SLC6A20: variants seen among roughly 807,000 people sequenced by gnomAD.
The protein encoded by SLC6A20 is solute carrier family 6 member 20.
SLC6A20 carries 73 observed loss-of-function variants against 64.3 expected under a neutral mutation model. The ratio of observed to expected loss-of-function variants is 1.14; its 90% CI spans 0.94 to 1.38. The LOEUF (loss-of-function observed/expected upper bound fraction) is 1.38, where lower values mean the gene tolerates loss of function less well. SLC6A20 is among the 40% of genes most tolerant of loss of function. The pLI is 0.00. For missense variants in SLC6A20, 725 were observed against 772.8 expected, an observed-to-expected ratio of 0.94 and a Z score of 0.73; for synonymous variants, 347 against 329.6, an observed-to-expected ratio of 1.05 and a Z score of -0.57.
At chr3:45,773,878 A>T (rs763586516) in intron 4 of SLC6A20, among the ~76,000 whole-genome samples, 3 of 152,250 alleles carry the variant, frequency 2.0e-5, no homozygotes, top group African/African-American at 4.8e-5. Flanking sequence ...CAAGATTATA[A>T]GAAACCAGGT....
At position 45,759,031 on chromosome 3, in the gene SLC6A20, C is replaced by G; in HGVS notation, c.1726G>C (p.Gly576Arg). ...STMCIPLAAL[G>R]TFVQRRLKRG... ...TTGAGGCGACGCTGAACAAAAGTCC[C>G]CAGGGCCGCCAGGGGGATGCACATG... The change falls in exon 11 of 11, where the codon GGG (glycine) becomes CGG (arginine). Residue 576 changes from glycine to arginine, a missense_variant. Coordinates refer to ENST00000358525, the MANE Select transcript of SLC6A20 (RefSeq NM_020208.4). 1 of 1,613,106 alleles carries G rather than the reference C, an allele frequency of 6.2e-7. No homozygotes were observed. The highest frequency in any genetic ancestry group is 8.5e-7 in the Non-Finnish European group (1 of 1,179,640).
At chr3:45,760,045 A>G (rs773498387) in intron 9 of SLC6A20, 23 bp from the exon 10 acceptor site, 3 of 1,600,282 alleles carry the variant, frequency 1.9e-6, no homozygotes, top group Non-Finnish European at 2.6e-6. Flanking sequence ...CAGGGAGAGA[A>G]AGTCTGGATT....
In SLC6A20 at chr3:45,757,876, C is replaced by T. The variant is rs1414511255; in HGVS notation, c.*1102G>A. 6.7e-6 allele frequency: 1 copy of T among 149,694 alleles called. No homozygotes were observed. The highest frequency in any genetic ancestry group is 1.5e-5 in the Non-Finnish European group (1 of 67,826). 9.3% of individuals were successfully genotyped at this position (149,694 alleles called of 1,614,324 possible). ...TCTTGATAGAGTTGGCCACGATGTC[C>T]AAATGTAATATTAAGCCTATGGGAA... On this transcript the variant is annotated 3_prime_UTR_variant, in exon 11 of 11. Coordinates refer to ENST00000358525, the MANE Select transcript of SLC6A20 (RefSeq NM_020208.4).
Position 45,782,122 on chromosome 3 carries a change from C to T in SLC6A20, c.223G>A (p.Gly75Ser), listed in dbSNP as rs758378583. 1.4e-5 allele frequency: 23 copies of T among 1,613,028 alleles called. No individual in the cohort carries two copies. Among genetic ancestry groups the T allele is most frequent in the South Asian group, 1.2e-4 (11 of 90,888 alleles). The change falls in exon 2 of 11, where the codon GGC becomes AGC. Residue 75 changes from glycine (G) to serine (S), a missense_variant. Transcript: ENST00000358525. ...VGQRMRQGSI[G>S]AWRTISPYLS... The stretch of plus-strand genomic sequence containing the variant: ...TACGGGCTGATGGTCCTCCAGGCGC[C>T]GATGCTGCCCTGCCGCATGCGCTGC...
At chr3:45,778,066 T>C (rs1236366217) in intron 3 of SLC6A20, among the ~76,000 whole-genome samples, 1 of 152,174 alleles carries the variant, frequency 6.6e-6, no homozygotes, top group African/African-American at 2.4e-5. Flanking sequence ...CAGTCTGACC[T>C]CCCTCACTCA....
intron 1 of SLC6A20, among the ~76,000 whole-genome samples, chr3:45,792,987 C>A (rs567548150): frequency 2.0e-5 from 3 of 152,178 alleles, no homozygotes; most frequent in African/African-American, 4.8e-5. Flanking sequence ...TGTCCTCCCC[C>A]ACAGGCGTCT....
rs376476673 is a variant in SLC6A20, at chr3:45,772,582, C to A, written c.616G>T (p.Val206Leu). 1.9e-6 allele frequency: 3 copies of A among 1,613,748 alleles called. No individual in the cohort carries two copies. The highest frequency in any genetic ancestry group is 1.3e-5 in the African/African-American group (1 of 74,904). Reference sequence around the variant, plus strand: ...CCCCTGATGAGGTAGATGATGAGCACGCAATAGGGCAGTGACGCCGTGAAA... The same window carrying A: ...CCCCTGATGAGGTAGATGATGAGCAAGCAATAGGGCAGTGACGCCGTGAAA... ...VYFTASLPYC[V>L]LIIYLIRGLT... is the part of the protein sequence containing the mutation. Residue 206 changes from valine to leucine, a missense_variant, in exon 5 of 11, where the codon GTG becomes TTG. Val to Leu is a conservative substitution (Grantham distance 32, BLOSUM62 1). Coordinates refer to ENST00000358525, the MANE Select transcript of SLC6A20 (RefSeq NM_020208.4).
intron 1 of SLC6A20, among the ~76,000 whole-genome samples, chr3:45,791,031 C>T (rs1359585903): frequency 6.6e-6 from 1 of 152,170 alleles, no homozygotes; most frequent in Non-Finnish European, 1.5e-5. Flanking sequence ...TAAATGTTGC[C>T]ATTGCTGGAA....
chr3:45,758,933 G>A lies in SLC6A20; in HGVS notation c.*45C>T. On this transcript the variant is annotated 3_prime_UTR_variant, in exon 11 of 11. Coordinates refer to ENST00000358525, the MANE Select transcript of SLC6A20 (RefSeq NM_020208.4). ...AAAAGCAGCCGAGGAGTTTCCGCCT[G>A]TAAATAGTATCTGTAAAACCGTGAG... The A allele has an allele frequency of 6.5e-7, 1 of 1,546,084 alleles. No individual in the cohort carries two copies. Among genetic ancestry groups the A allele is most frequent in the South Asian group, 1.3e-5 (1 of 79,600 alleles).
chr3:45,766,318 G>A (rs1699776926), intron 7 of SLC6A20, among the ~76,000 whole-genome samples: 1 of 152,214 alleles, frequency 6.6e-6, no homozygotes, highest in Non-Finnish European at 1.5e-5. Context: ...GTACTCTCTG[G>A]CTACCCACAG....
chr3:45,770,281 A>G lies in SLC6A20; in HGVS notation c.1026T>C (p.Ser342=). ...TCTCGCTGTATTTGCTTGGGTAGGCAGATGCGAGGTAGCCCTTCACCTGCT... is the reference window on the plus strand; with the variant it reads ...TCTCGCTGTATTTGCTTGGGTAGGCGGATGCGAGGTAGCCCTTCACCTGCT... ...NLEQVKGYLA[S]AYPSKYSEMF... The change falls in exon 7 of 11, where the codon TCT becomes TCC. Residue 342 remains serine, a synonymous_variant. Transcript: ENST00000358525. 1 of 1,614,206 alleles carries G rather than the reference A, an allele frequency of 6.2e-7. No homozygotes were observed. Among genetic ancestry groups the G allele is most frequent in the Non-Finnish European group, 8.5e-7 (1 of 1,180,042 alleles).
rs142086756 is a variant in SLC6A20, at chr3:45,782,198, G to A, written c.147C>T (p.Ile49=). 623 of 1,613,764 alleles carry A rather than the reference G, an allele frequency of 3.9e-4. 6 individuals are homozygous for A. The African/African-American group carries it at 7.4e-3, about 19-fold the overall frequency. ...GCGGCATTCCCTCCACGATAAGCAT[G>A]ATGATGTAGGGGACCAGGAAACTAC... ...GGGSFLVPYI[I]MLIVEGMPLL... is the part of the protein sequence containing the mutation. Residue 49 remains isoleucine (I), a synonymous_variant, in exon 2 of 11, where the codon ATC becomes ATT. Transcript: ENST00000358525.
chr3:45,796,434 C>A lies in SLC6A20; in HGVS notation c.-15G>T. ...GCTTTCTCCATGGCCCCGGCCTCGGCGCGCTCGGCTCCGGCTCGGGGGTCC... is the reference window on the plus strand; with the variant it reads ...GCTTTCTCCATGGCCCCGGCCTCGGAGCGCTCGGCTCCGGCTCGGGGGTCC... On this transcript the variant is annotated 5_prime_UTR_variant, in exon 1 of 11. Coordinates refer to ENST00000358525, the MANE Select transcript of SLC6A20 (RefSeq NM_020208.4). 4 of 1,606,396 alleles carry A rather than the reference C, an allele frequency of 2.5e-6. No homozygotes were observed. In the Admixed American group the frequency reaches 5.0e-5, roughly 20 times the overall value.
Position 45,771,272 on chromosome 3 carries a change from T to C in SLC6A20, c.880A>G (p.Thr294Ala). Residue 294 changes from threonine (T) to alanine (A), a missense_variant, in exon 6 of 11, where the codon ACC becomes GCC. Coordinates refer to ENST00000358525, the MANE Select transcript of SLC6A20 (RefSeq NM_020208.4). ...GCCTTGAAGCCATAGATGGAGAAGG[T>C]GACAATGCTGGCAAATATGGAGGTG... is the stretch of plus-strand genomic sequence containing the variant. ...SFTSIFASIV[T>A]FSIYGFKATF... 1 of 1,614,192 alleles carries C rather than the reference T, an allele frequency of 6.2e-7. No individual in the cohort carries two copies. Among genetic ancestry groups the C allele is most frequent in the Non-Finnish European group, 8.5e-7 (1 of 1,180,038 alleles).
intron 1 of SLC6A20, among the ~76,000 whole-genome samples, chr3:45,795,863 T>C (rs1393526857): frequency 6.6e-6 from 1 of 152,226 alleles, no homozygotes; most frequent in South Asian, 2.1e-4. Context: ...TTTCAAACCG[T>C]TGATTTAAGT....
In SLC6A20 at chr3:45,772,442, C is replaced by G; in HGVS notation, c.693+63G>C. On this transcript the variant is annotated intron_variant, in intron 5 of 10. Transcript: ENST00000358525. The stretch of plus-strand genomic sequence containing the variant: ...CTCTCCACCTTTCCCTCTTCCCACC[C>G]ATCCTGGAAGGTGGCAGGATAAGTG... The G allele has an allele frequency of 4.9e-6, 7 of 1,439,534 alleles. No individual in the cohort carries two copies. The South Asian group carries it at 8.7e-5, about 18-fold the overall frequency. 89.2% of individuals were successfully genotyped at this position (1,439,534 alleles called of 1,614,324 possible).
chr3:45,786,802 G>T (rs565760394), intron 1 of SLC6A20, among the ~76,000 whole-genome samples: 4 of 152,294 alleles, frequency 2.6e-5, no homozygotes, highest in African/African-American at 9.6e-5. Context: ...TTTTCAAGTG[G>T]TTTGTTATGA....
intron 1 of SLC6A20, among the ~76,000 whole-genome samples, chr3:45,784,103 G>T (rs1206425266): frequency 6.6e-6 from 1 of 152,216 alleles, no homozygotes; most frequent in Admixed American, 6.5e-5. Context: ...CTCTGACAGG[G>T]TCTGACTGCC....
At chr3:45,786,897 G>A (rs1388932384) in intron 1 of SLC6A20, among the ~76,000 whole-genome samples, 6 of 152,166 alleles carry the variant, frequency 3.9e-5, no homozygotes, top group African/African-American at 9.7e-5. Context: ...TGAGTGGGAC[G>A]CTTACAGTCA....
Sources: allele counts gnomAD v4.1 joint callset (sites outside exome capture counted in the v4.1 genomes callset), GRCh38; gene constraint gnomAD v4.1.1; transcripts MANE v1.5; gene names NCBI Gene and HGNC (gene_info 2026-07-23, HGNC 2026-07-21).